Variants in ALDH1L1 observed in about 807,000 individuals in gnomAD.
ALDH1L1 encodes the protein cytosolic 10-formyltetrahydrofolate dehydrogenase.
A neutral mutation model predicts 101.1 loss-of-function variants in ALDH1L1; 68 were observed. The observed-to-expected ratio is 0.67, with a 90% CI of 0.55 to 0.82. The LOEUF is 0.82. ALDH1L1 is among the 40% of genes least tolerant of loss of function. The probability of loss-of-function intolerance (pLI) is 0.00; values close to 1 mark genes in which losing one functional copy is unlikely to be tolerated. For synonymous variants in ALDH1L1, 486 were observed against 470.8 expected (o/e 1.03, Z -0.42); for missense variants, 1,087 against 1,172.7 (o/e 0.93, Z 1.07).
intron 1 of ALDH1L1, among the ~76,000 whole-genome samples, chr3:126,192,905 A>T (rs1322378419): frequency 6.6e-6 from 1 of 152,222 alleles, no homozygotes; most frequent in African/African-American, 2.4e-5. Context: ...GGTCAGAACA[A>T]ATTTATAGAC....
At chr3:126,171,465 A>G (rs2081274917) in intron 1 of ALDH1L1, among the ~76,000 whole-genome samples, 1 of 109,798 alleles carries the variant, frequency 9.1e-6, no homozygotes, top group South Asian at 2.4e-4. Context: ...TCAGTCTGTA[A>G]GAGAGTGTGC....
chr3:126,197,651 G>A (rs2081588799), intron 1 of ALDH1L1: 1 of 151,982 alleles, frequency 6.6e-6, no homozygotes, highest in African/African-American at 2.4e-5. Context: ...CAAATCCATG[G>A]AGCTCCGAAA....
intron 1 of ALDH1L1, among the ~76,000 whole-genome samples, chr3:126,163,463 C>T (rs572583232): frequency 4.6e-5 from 7 of 152,238 alleles, no homozygotes; most frequent in African/African-American, 1.4e-4. Flanking sequence ...CCAATATATC[C>T]ACTACAATAT....
chr3:126,153,318 T>G, intron 7 of ALDH1L1, 126 bp downstream of exon 7: 1 of 1,464,192 alleles, frequency 6.8e-7, no homozygotes, highest in Non-Finnish European at 9.4e-7. Flanking sequence ...GGGTCAGTGT[T>G]CCTTCCTGGG....
intron 11 of ALDH1L1, 88 bp downstream of exon 11, chr3:126,136,676 G>A: frequency 5.2e-6 from 8 of 1,528,238 alleles, no homozygotes; most frequent in Non-Finnish European, 6.2e-6. Flanking sequence ...GACTCTCAGG[G>A]TCAGGACCCC....
upstream of ALDH1L1, among the ~76,000 whole-genome samples, chr3:126,186,109 G>A (rs1488648091): frequency 1.3e-5 from 2 of 152,178 alleles, no homozygotes; most frequent in African/African-American, 4.8e-5. Context: ...TGGCAGTGAT[G>A]GTTGCACGAC....
At chr3:126,162,532 G>A (rs1347092671) in intron 1 of ALDH1L1, among the ~76,000 whole-genome samples, 1 of 151,982 alleles carries the variant, frequency 6.6e-6, no homozygotes, top group Non-Finnish European at 1.5e-5. Context: ...TATTCTTATT[G>A]AAAAGGAGTT....
At chr3:126,139,585 C>T (rs59922905) in intron 9 of ALDH1L1, among the ~76,000 whole-genome samples, 34,082 of 151,984 alleles carry the variant, frequency 0.22, 4,678 homozygotes, top group African/African-American at 0.39. Context: ...GATCAGATAT[C>T]GGAATTATTG....
intron 6 of ALDH1L1, 106 bp from the exon 7 acceptor site, chr3:126,153,687 T>C (rs1441713720): frequency 7.1e-7 from 1 of 1,411,900 alleles, no homozygotes; most frequent in African/African-American, 1.4e-5. Flanking sequence ...GGGCCAGGGG[T>C]AGCTGAGACC....
chr3:126,160,578 G>A (rs2081022934), intron 2 of ALDH1L1: 2 of 418,510 alleles, frequency 4.8e-6, no homozygotes, highest in East Asian at 8.6e-5. Flanking sequence ...GCTCTGTGTG[G>A]GACCTGGGAC....
chr3:126,153,629 C>T (rs368466240), intron 6 of ALDH1L1, 48 bp from the exon 7 acceptor site: 46 of 1,582,976 alleles, frequency 2.9e-5, no homozygotes, highest in Non-Finnish European at 3.5e-5. Context: ...AAGAAGCCCC[C>T]GAAGCCAGTA....
chr3:126,110,864 G>A (rs1248634428), intron 19 of ALDH1L1, among the ~76,000 whole-genome samples: 4 of 152,186 alleles, frequency 2.6e-5, no homozygotes, highest in East Asian at 3.8e-4. Flanking sequence ...CAAAGAACAA[G>A]CAGCCTACTG....
intron 19 of ALDH1L1, among the ~76,000 whole-genome samples, chr3:126,110,811 G>A (rs1462188426): frequency 2.0e-5 from 3 of 152,006 alleles, no homozygotes; most frequent in Non-Finnish European, 2.9e-5. Context: ...CTGTCCTGTC[G>A]CCCCAAACCG....
chr3:126,108,349 C>T lies in ALDH1L1; in HGVS notation c.2348-1103G>A, dbSNP rs1018211462. Among the ~76,000 whole-genome samples, 7 of 152,364 alleles carry T rather than the reference C, an allele frequency of 4.6e-5. No individual in the cohort carries two copies. In the South Asian group the frequency reaches 1.0e-3, roughly 23 times the overall value. ...GGGCTGCAGGAATTCTGTTCCTTCT[C>T]ATACCCCCTCCAGGGCGGGGTGATG... On this transcript the variant is annotated intron_variant, in intron 20 of 22. Transcript: ENST00000393434.
At chr3:126,130,147 C>T (rs1012723428) in intron 14 of ALDH1L1, 76 bp downstream of exon 14, 93 of 1,387,876 alleles carry the variant, frequency 6.7e-5, no homozygotes, top group Non-Finnish European at 7.4e-5. Context: ...TGTGAGCTCC[C>T]GCAGGCTGTG....
chr3:126,159,343 GT>G (rs1276239829), intron 2 of ALDH1L1: 2 of 434,706 alleles, frequency 4.6e-6, no homozygotes, highest in Non-Finnish European at 4.6e-6. Context: ...AAGCTCCCAA[GT>G]TTTTATAGTT....
intron 14 of ALDH1L1, among the ~76,000 whole-genome samples, chr3:126,126,439 G>A (rs940536239): frequency 2.6e-5 from 4 of 152,176 alleles, no homozygotes; most frequent in African/African-American, 9.7e-5. Context: ...CGTAGACCAC[G>A]CACAGGCTCC....
At position 126,146,854 on chromosome 3, in the gene ALDH1L1, C is replaced by A. The variant is rs377659679; in HGVS notation, c.1057G>T (p.Ala353Ser). 92 of 1,613,970 alleles carry A rather than the reference C, an allele frequency of 5.7e-5. No homozygotes were observed. Among genetic ancestry groups the A allele is most frequent in the Non-Finnish European group, 6.8e-5 (80 of 1,179,958 alleles). Residue 353 changes from alanine to serine, a missense_variant, in exon 9 of 23, where the codon GCG becomes TCG. By Grantham distance (99) the Ala-to-Ser change is moderately conservative. Coordinates refer to ENST00000393434, the MANE Select transcript of ALDH1L1 (RefSeq NM_012190.4). ...CCTTACCTCACAACGTCCACAGACGCGGCCCCTGACTTGAAGAAATCAGTG... is the reference window on the plus strand; with the variant it reads ...CCTTACCTCACAACGTCCACAGACGAGGCCCCTGACTTGAAGAAATCAGTG... The part of the protein sequence containing the change: ...DSTDFFKSGA[A>S]SVDVVRLVEE...
intron 1 of ALDH1L1, among the ~76,000 whole-genome samples, chr3:126,170,288 C>G (rs2081248819): frequency 6.6e-6 from 1 of 151,982 alleles, no homozygotes; most frequent in Non-Finnish European, 1.5e-5. Flanking sequence ...GACTGTGAAC[C>G]CTCAGAGTGG....
Sources: allele counts gnomAD v4.1 joint callset (sites outside exome capture counted in the v4.1 genomes callset), GRCh38; gene constraint gnomAD v4.1.1; transcripts MANE v1.5; gene names NCBI Gene and HGNC (gene_info 2026-07-23, HGNC 2026-07-21).